SH3BGRL: variants seen among roughly 807,000 people sequenced by gnomAD.
SH3BGRL encodes adapter SH3BGRL.
In SH3BGRL, 7 loss-of-function variants were observed where a neutral mutation model predicts 9.8. The ratio of observed to expected loss-of-function variants is 0.72; its 90% CI spans 0.41 to 1.35. The LOEUF (loss-of-function observed/expected upper bound fraction) is 1.35, where lower values mean the gene tolerates loss of function less well. Among genes scored for constraint, SH3BGRL ranks in the 40% most tolerant of loss-of-function variants. The probability of loss-of-function intolerance (pLI) is 0.01; values close to 1 mark genes in which losing one functional copy is unlikely to be tolerated. For missense variants in SH3BGRL, 73 were observed against 84.4 expected, an observed-to-expected ratio of 0.86 and a Z score of 0.53; for synonymous variants, 36 against 29.1, an observed-to-expected ratio of 1.24 and a Z score of -0.76.
intron 1 of SH3BGRL, among the ~76,000 whole-genome samples, chrX:81,219,866 C>G (rs2075595048): frequency 9.0e-6 from 1 of 111,421 alleles, no homozygotes; most frequent in Non-Finnish European, 1.9e-5. Flanking sequence ...TTAGCATCAT[C>G]TGAAATTATC....
intron 1 of SH3BGRL, among the ~76,000 whole-genome samples, chrX:81,271,969 C>A (rs1358871003): frequency 1.8e-5 from 2 of 110,128 alleles, no homozygotes; most frequent in African/African-American, 6.6e-5. Flanking sequence ...CTGAAGTGGG[C>A]GGATCATGAG....
rs2075881122 is a variant in SH3BGRL at position 81,297,904 on chromosome X, A to G, written c.*677A>G. ...ATTCAGTGGACAAGTTCCTTGTTTA[A>G]CTACACAGCTATGATGGAATGATAT... On this transcript the variant is annotated 3_prime_UTR_variant, in exon 4 of 4. Transcript: ENST00000373212. 1 of 111,914 alleles carries G rather than the reference A, an allele frequency of 8.9e-6. No homozygotes were observed. The highest frequency in any genetic ancestry group is 3.2e-5 in the African/African-American group (1 of 30,889). 9.2% of individuals were successfully genotyped at this position (111,914 alleles called of 1,213,427 possible).
At chrX:81,268,056 G>A (rs1283420412) in intron 1 of SH3BGRL, among the ~76,000 whole-genome samples, 1 of 111,542 alleles carries the variant, frequency 9.0e-6, no homozygotes, top group African/African-American at 3.3e-5. Context: ...GGGATTGGTG[G>A]TAAATCCTCA....
chrX:81,284,917 T>G (rs749528342), intron 3 of SH3BGRL, among the ~76,000 whole-genome samples: 1 of 111,231 alleles, frequency 9.0e-6, no homozygotes, highest in African/African-American at 3.3e-5. Context: ...CTTCCATCAT[T>G]GCTTAAGCTC....
At chrX:81,217,385 A>G (rs185345519) in intron 1 of SH3BGRL, among the ~76,000 whole-genome samples, 2 of 108,777 alleles carry the variant, frequency 1.8e-5, no homozygotes, top group African/African-American at 6.7e-5. Flanking sequence ...AGACTTTTTG[A>G]TGTAGGCCTT....
chrX:81,293,823 A>G (rs763770434), intron 3 of SH3BGRL, among the ~76,000 whole-genome samples: 125 of 112,327 alleles, frequency 1.1e-3, no homozygotes, highest in Non-Finnish European at 2.1e-3. Context: ...CAAAAGCTTG[A>G]TGGTGATATG....
chrX:81,263,250 T>C (rs761267004), intron 1 of SH3BGRL, among the ~76,000 whole-genome samples: 6 of 111,528 alleles, frequency 5.4e-5, no homozygotes, highest in Non-Finnish European at 1.1e-4. Context: ...GGAGGCTGCA[T>C]ACTTTTACAG....
intron 1 of SH3BGRL, among the ~76,000 whole-genome samples, chrX:81,276,435 A>G (rs139975473): frequency 0.012 from 1,345 of 110,675 alleles, 10 homozygotes; most frequent in Middle Eastern, 0.051. Context: ...ATATATTGCA[A>G]ACTTTATAGT....
At chrX:81,295,818 G>A (rs763264875) in intron 3 of SH3BGRL, among the ~76,000 whole-genome samples, 5 of 111,055 alleles carry the variant, frequency 4.5e-5, no homozygotes, top group East Asian at 2.9e-4. Flanking sequence ...TCAGCATTTC[G>A]GTCATAACAA....
chrX:81,245,062 G>C (rs1569362758), intron 1 of SH3BGRL, among the ~76,000 whole-genome samples: 1 of 111,795 alleles, frequency 8.9e-6, no homozygotes, highest in African/African-American at 3.3e-5. Flanking sequence ...TTTAGAATTA[G>C]GCCAAAACAG....
chrX:81,207,629 T>G (rs1030747945), intron 1 of SH3BGRL, among the ~76,000 whole-genome samples: 1 of 112,310 alleles, frequency 8.9e-6, no homozygotes, highest in African/African-American at 3.2e-5. Flanking sequence ...CAAAGTTTGT[T>G]TGAATGTTGT....
intron 1 of SH3BGRL, chrX:81,237,018 C>G: frequency 1.4e-6 from 1 of 731,714 alleles, no homozygotes. Context: ...AGTCTAAAGA[C>G]TTGAAACCAT....
intron 1 of SH3BGRL, among the ~76,000 whole-genome samples, chrX:81,257,675 C>A (rs988759534): frequency 9.0e-6 from 1 of 111,562 alleles, no homozygotes; most frequent in Non-Finnish European, 1.9e-5. Context: ...TATAACATAA[C>A]ATCATCATTA....
chrX:81,284,793 C>CATAA (rs757885139), intron 3 of SH3BGRL, among the ~76,000 whole-genome samples: 479 of 109,992 alleles, frequency 4.4e-3, no homozygotes, highest in Admixed American at 7.2e-3. Context: ...AGGCTAAGAT[C>CATAA]ATAAATAAAT....
chrX:81,219,833 G>A (rs1466959987), intron 1 of SH3BGRL, among the ~76,000 whole-genome samples: 1 of 111,370 alleles, frequency 9.0e-6, no homozygotes, highest in East Asian at 2.8e-4. Flanking sequence ...ATGAAGGTAT[G>A]TTGAATTTTA....
intron 1 of SH3BGRL, among the ~76,000 whole-genome samples, chrX:81,206,062 GT>G (rs1345841668): frequency 9.0e-6 from 1 of 111,207 alleles, no homozygotes; most frequent in East Asian, 2.8e-4. Flanking sequence ...TGGATTATTT[GT>G]TTTTTTGTGG....
chrX:81,256,868 C>T (rs1269321579), intron 1 of SH3BGRL, among the ~76,000 whole-genome samples: 4 of 111,671 alleles, frequency 3.6e-5, no homozygotes, highest in Non-Finnish European at 7.5e-5. Flanking sequence ...CATACCTTCA[C>T]TATTATACTG....
At chrX:81,203,985 T>C (rs778615427) in intron 1 of SH3BGRL, among the ~76,000 whole-genome samples, 1 of 110,991 alleles carries the variant, frequency 9.0e-6, no homozygotes, top group African/African-American at 3.3e-5. Context: ...ATTGAACCTC[T>C]CACCCTGGTA....
intron 1 of SH3BGRL, among the ~76,000 whole-genome samples, chrX:81,254,826 A>G (rs2075720524): frequency 9.0e-6 from 1 of 111,616 alleles, no homozygotes; most frequent in Admixed American, 9.5e-5. Flanking sequence ...AACAGATTTT[A>G]GATTGTTAAG....
Sources: gnomAD v4.1 joint callset for allele counts (sites outside exome capture counted in the v4.1 genomes callset) on GRCh38, gnomAD v4.1.1 for gene constraint, MANE v1.5 for transcripts, NCBI Gene and HGNC (gene_info 2026-07-23, HGNC 2026-07-21) for gene names.